The following SYNPR variants were observed in gnomAD, a reference collection of about 807,000 sequenced individuals.
SYNPR encodes synaptoporin.
In SYNPR, 23 loss-of-function variants were observed where a neutral mutation model predicts 32.9. The observed-to-expected ratio is 0.70, with a 90% CI of 0.50 to 0.99. The LOEUF (loss-of-function observed/expected upper bound fraction) is 0.99, where lower values mean the gene tolerates loss of function less well. Ranked by LOEUF, SYNPR falls within the 50% of genes least tolerant of loss-of-function variation. The probability of loss-of-function intolerance (pLI) is 0.00; values close to 1 mark genes in which losing one functional copy is unlikely to be tolerated. For missense variants in SYNPR, 318 were observed against 349.3 expected (o/e 0.91, Z 0.71); for synonymous variants, 146 against 135.9 (o/e 1.07, Z -0.52).
At chr3:63,421,415 A>G (rs1699796238) in intron 2 of SYNPR, among the ~76,000 whole-genome samples, 1 of 151,792 alleles carries the variant, frequency 6.6e-6, no homozygotes. Context: ...CTGAAAAAAA[A>G]AACCTAAGCT....
intron 2 of SYNPR, among the ~76,000 whole-genome samples, chr3:63,400,931 T>C (rs1438448124): frequency 6.6e-6 from 1 of 152,050 alleles, no homozygotes; most frequent in African/African-American, 2.4e-5. Context: ...TTGATACATA[T>C]GATGGAAAAT....
At chr3:63,304,632 T>C (rs900076947) in intron 2 of SYNPR, among the ~76,000 whole-genome samples, 13 of 151,970 alleles carry the variant, frequency 8.6e-5, no homozygotes, top group African/African-American at 2.9e-4. Context: ...GAATGACTCA[T>C]GCAGAATACT....
At chr3:63,235,463 C>A (rs2086193849) in intron 1 of SYNPR, among the ~76,000 whole-genome samples, 1 of 152,150 alleles carries the variant, frequency 6.6e-6, no homozygotes, top group Non-Finnish European at 1.5e-5. Flanking sequence ...GTTTCAAATT[C>A]CACTGGGCTT....
At chr3:63,473,893 T>A (rs1014108201) in intron 2 of SYNPR, among the ~76,000 whole-genome samples, 2 of 152,218 alleles carry the variant, frequency 1.3e-5, no homozygotes, top group African/African-American at 4.8e-5. Flanking sequence ...TAGTCCTGGG[T>A]ACTTGTAGTG....
At chr3:63,503,849 G>A (rs1003073740) in intron 3 of SYNPR, among the ~76,000 whole-genome samples, 9 of 151,904 alleles carry the variant, frequency 5.9e-5, no homozygotes, top group African/African-American at 9.7e-5. Flanking sequence ...CTAAGGTGAT[G>A]AGTCTGAAAA....
chr3:63,373,794 A>G (rs1358998888), intron 2 of SYNPR, among the ~76,000 whole-genome samples: 1 of 152,086 alleles, frequency 6.6e-6, no homozygotes, highest in Non-Finnish European at 1.5e-5. Context: ...TTCAAGGTTG[A>G]AATGAAAGAA....
intron 2 of SYNPR, among the ~76,000 whole-genome samples, chr3:63,425,387 G>A (rs1699874257): frequency 6.6e-6 from 1 of 152,136 alleles, no homozygotes; most frequent in East Asian, 1.9e-4. Context: ...GATAGGGGAG[G>A]TATAGGTTAA....
chr3:63,416,002 G>A (rs1257065460), intron 2 of SYNPR, among the ~76,000 whole-genome samples: 1 of 152,144 alleles, frequency 6.6e-6, no homozygotes, highest in African/African-American at 2.4e-5. Context: ...TTACAAACAA[G>A]GCATCTACTT....
the SYNPR span, among the ~76,000 whole-genome samples, chr3:63,203,900 G>C: frequency 6.6e-6 from 1 of 152,184 alleles, no homozygotes; most frequent in Non-Finnish European, 1.5e-5. Context: ...TCCAGAGGCT[G>C]AGGCAGGATA....
chr3:63,331,937 C>A (rs768536939), intron 2 of SYNPR, among the ~76,000 whole-genome samples: 1 of 152,094 alleles, frequency 6.6e-6, no homozygotes, highest in African/African-American at 2.4e-5. Flanking sequence ...TTCTAGTAGG[C>A]TAGATGGGAA....
At chr3:63,600,646 G>A (rs1700026999) in intron 4 of SYNPR, among the ~76,000 whole-genome samples, 1 of 152,180 alleles carries the variant, frequency 6.6e-6, no homozygotes, top group African/African-American at 2.4e-5. Flanking sequence ...TCATGTTAAT[G>A]AGTGAGTCTT....
At chr3:63,553,068 T>C (rs1387592402) in intron 3 of SYNPR, among the ~76,000 whole-genome samples, 5 of 152,118 alleles carry the variant, frequency 3.3e-5, no homozygotes, top group Admixed American at 2.0e-4. Context: ...ACCCAATAAG[T>C]AGCTTTTCAA....
At chr3:63,609,520 G>A (rs1173260059) in intron 5 of SYNPR, among the ~76,000 whole-genome samples, 11 of 152,154 alleles carry the variant, frequency 7.2e-5, no homozygotes, top group Admixed American at 5.2e-4. Flanking sequence ...TAATGTTGCC[G>A]ATTAAGGAGT....
chr3:63,400,521 G>A (rs2088277009), intron 2 of SYNPR, among the ~76,000 whole-genome samples: 1 of 152,218 alleles, frequency 6.6e-6, no homozygotes, highest in Admixed American at 6.5e-5. Context: ...CTGCTTGTAT[G>A]TCCTCAAAAC....
chr3:63,225,490 T>C (rs1014522509), upstream of SYNPR, among the ~76,000 whole-genome samples: 4 of 152,076 alleles, frequency 2.6e-5, no homozygotes, highest in African/African-American at 9.7e-5. Context: ...CTAAAGTCCC[T>C]CAGAAGAAGG....
At chr3:63,382,865 GT>G (rs2087989939) in intron 2 of SYNPR, among the ~76,000 whole-genome samples, 1 of 152,140 alleles carries the variant, frequency 6.6e-6, no homozygotes, top group South Asian at 2.1e-4. Flanking sequence ...GAGAGGAGGG[GT>G]TTTGGTTTTT....
At chr3:63,513,903 C>T (rs933112047) in intron 3 of SYNPR, among the ~76,000 whole-genome samples, 2 of 152,094 alleles carry the variant, frequency 1.3e-5, no homozygotes, top group African/African-American at 4.8e-5. Flanking sequence ...GGGCATCTTG[C>T]TAAAATGAAG....
At chr3:63,508,934 TAGAC>T (rs1322310204) in intron 3 of SYNPR, among the ~76,000 whole-genome samples, 2 of 152,126 alleles carry the variant, frequency 1.3e-5, no homozygotes, top group African/African-American at 4.8e-5. Context: ...TGTGACTTCC[TAGAC>T]AAAGTCCATG....
At chr3:63,294,059 T>C (rs1013481357) in intron 2 of SYNPR, among the ~76,000 whole-genome samples, 6 of 152,232 alleles carry the variant, frequency 3.9e-5, no homozygotes, top group Admixed American at 3.9e-4. Flanking sequence ...TGCCATTAGA[T>C]AAAATATTTT....
Sources: gnomAD v4.1 joint callset for allele counts (sites outside exome capture counted in the v4.1 genomes callset) on GRCh38, gnomAD v4.1.1 for gene constraint, MANE v1.5 for transcripts, NCBI Gene and HGNC (gene_info 2026-07-23, HGNC 2026-07-21) for gene names.